The following DYSF variants were observed in gnomAD, a reference collection of about 807,000 sequenced individuals.
The protein encoded by DYSF is dysferlin, also known as dystrophy-associated fer-1-like 1.
Under a neutral mutation model 274.9 loss-of-function variants are expected in DYSF, and 212 were observed. The observed-to-expected ratio is 0.77, with a 90% CI of 0.69 to 0.86. The LOEUF (loss-of-function observed/expected upper bound fraction) is 0.86, where lower values mean the gene tolerates loss of function less well. Ranked by LOEUF, DYSF falls within the 40% of genes least tolerant of loss-of-function variation. The pLI is 0.00. For synonymous variants in DYSF, 1,091 were observed against 1,078.7 expected, an observed-to-expected ratio of 1.01 and a Z score of -0.22; for missense variants, 2,666 against 2,783.2, an observed-to-expected ratio of 0.96 and a Z score of 0.95.
chr2:71,504,375 TC>T (rs1295870767), intron 4 of DYSF, among the ~76,000 whole-genome samples: 1 of 152,078 alleles, frequency 6.6e-6, no homozygotes, highest in Non-Finnish European at 1.5e-5. Flanking sequence ...AGATGTCACT[TC>T]CCAGGAAAGT....
rs749610930 is a variant in DYSF, at chr2:71,574,313, G to A, written c.3344G>A (p.Arg1115His). 2.0e-5 allele frequency: 33 copies of A among 1,613,976 alleles called. No homozygotes were observed. The highest frequency in any genetic ancestry group is 6.7e-5 in the Admixed American group (4 of 60,006). Residue 1115 changes from arginine (R) to histidine (H), a missense_variant, in exon 30 of 56, where the codon CGC becomes CAC. Transcript: ENST00000410020. ...TTCCGCCGCCGCCGCTGGCGCCGTC[G>A]CATGGAGCCACTGGAGAAGACGGGG... ...DAFRRRRWRR[R>H]MEPLEKTGPA...
Position 71,570,268 on chromosome 2 carries a change from C to T in DYSF, c.3019C>T (p.Pro1007Ser). The part of the protein sequence containing the change: ...KVLPKDDIEC[P>S]LGWKWEDEEW... The stretch of plus-strand genomic sequence containing the variant: ...GCTTCCCAAGGATGACATTGAGTGC[C>T]CACTGGGCTGGAAGTGGGAAGATGA... Residue 1007 changes from proline to serine, a missense_variant, in exon 28 of 56, where the codon CCA (proline) becomes TCA (serine). Transcript: ENST00000410020. 1.2e-6 allele frequency: 2 copies of T among 1,614,112 alleles called. No homozygotes were observed. Among genetic ancestry groups the T allele is most frequent in the Non-Finnish European group, 1.7e-6 (2 of 1,180,018 alleles).
intron 30 of DYSF, among the ~76,000 whole-genome samples, chr2:71,585,507 C>T (rs894552097): frequency 6.6e-6 from 1 of 152,142 alleles, no homozygotes; most frequent in African/African-American, 2.4e-5. Flanking sequence ...TTTCAAGAGG[C>T]CTTGTTACTT....
intron 1 of DYSF, among the ~76,000 whole-genome samples, chr2:71,468,520 C>T (rs546832313): frequency 4.2e-4 from 64 of 152,264 alleles, no homozygotes; most frequent in Non-Finnish European, 7.3e-4. Context: ...CGCCCAAGTA[C>T]CCCGAACACG....
chr2:71,579,988 C>G (rs2092832008), intron 30 of DYSF, among the ~76,000 whole-genome samples: 1 of 152,218 alleles, frequency 6.6e-6, no homozygotes, highest in Admixed American at 6.5e-5. Flanking sequence ...AACCAAGGTC[C>G]AGGCAGTGGC....
Position 71,539,162 on chromosome 2 carries a change from G to T in DYSF, c.1499G>T (p.Arg500Leu). ...TCTCTGCTCCCTTGCTCTAGGGACCGCCTGACTCACAATGACATCGTGGCT... is the reference window on the plus strand; with the variant it reads ...TCTCTGCTCCCTTGCTCTAGGGACCTCCTGACTCACAATGACATCGTGGCT... ...KMRIRIIDWD[R>L]LTHNDIVATT... Residue 500 changes from arginine (R) to leucine (L), a missense_variant, in exon 17 of 56, where the codon CGC (arginine) becomes CTC (leucine). By Grantham distance (102) the Arg-to-Leu change is moderately radical (BLOSUM62 -2). Coordinates refer to ENST00000410020, the MANE Select transcript of DYSF (RefSeq NM_001130987.2). The T allele has an allele frequency of 1.2e-6, 2 of 1,613,896 alleles. No individual in the cohort carries two copies. Among genetic ancestry groups the T allele is most frequent in the Middle Eastern group, 1.7e-4 (1 of 6,058 alleles).
chr2:71,678,566 G>T (rs1223535916), intron 52 of DYSF, among the ~76,000 whole-genome samples: 1 of 152,202 alleles, frequency 6.6e-6, no homozygotes, highest in Non-Finnish European at 1.5e-5. Context: ...AATGGGTGCA[G>T]AGTTTTTGTT....
At chr2:71,471,970 A>C (rs183249267) in intron 1 of DYSF, among the ~76,000 whole-genome samples, 1 of 152,290 alleles carries the variant, frequency 6.6e-6, no homozygotes, top group Non-Finnish European at 1.5e-5. Flanking sequence ...AGTCTCAAAA[A>C]CATCAATTAA....
chr2:71,470,957 A>AATTT (rs551352670), intron 1 of DYSF, among the ~76,000 whole-genome samples: 369 of 151,654 alleles, frequency 2.4e-3, no homozygotes, highest in African/African-American at 8.5e-3. Flanking sequence ...ATGCCTGGCT[A>AATTT]ATTTTTATTT....
At chr2:71,455,429 T>C (rs1235914720) in intron 1 of DYSF, among the ~76,000 whole-genome samples, 1 of 152,198 alleles carries the variant, frequency 6.6e-6, no homozygotes, top group Non-Finnish European at 1.5e-5. Context: ...CTTTTTTTCC[T>C]AACGTGCTGC....
chr2:71,480,910 A>T lies in DYSF; in HGVS notation c.119A>T (p.Lys40Met), dbSNP rs779471597. 1 of 1,614,210 alleles carries T rather than the reference A, an allele frequency of 6.2e-7. No individual in the cohort carries two copies. Among genetic ancestry groups the T allele is most frequent in the Admixed American group, 1.7e-5 (1 of 60,028 alleles). ...GTGAAGAAGAGAACCAAAGTCATCA[A>T]GAACAGCGTGAACCCTGTATGGAAT... ...RGVKKRTKVI[K>M]NSVNPVWNEG... is the part of the protein sequence containing the mutation. The change falls in exon 2 of 56, where the codon AAG becomes ATG. Residue 40 changes from lysine to methionine, a missense_variant. By Grantham distance (95) the Lys-to-Met change is moderately conservative (BLOSUM62 -1). This residue lies in a region of DYSF where 794 missense variants were observed against 777.1 expected (regional missense o/e 1.02). Transcript: ENST00000410020.
At chr2:71,602,649 G>A in intron 35 of DYSF, 127 bp from the exon 36 acceptor site, 1 of 935,998 alleles carries the variant, frequency 1.1e-6, no homozygotes. Context: ...GCTCCTCTTA[G>A]TGGTGGCATC....
intron 55 of DYSF, among the ~76,000 whole-genome samples, chr2:71,683,447 A>G (rs973736103): frequency 1.7e-4 from 26 of 152,304 alleles, no homozygotes; most frequent in South Asian, 8.3e-4. Context: ...TGTCTCTGAT[A>G]CTTTAGACCT....
chr2:71,627,952 C>G (rs979541244), intron 41 of DYSF, among the ~76,000 whole-genome samples: 1 of 152,072 alleles, frequency 6.6e-6, no homozygotes, highest in African/African-American at 2.4e-5. Flanking sequence ...CACCTTGTTA[C>G]TTTCAACTTT....
In DYSF at chr2:71,526,172, C is replaced by A. The variant is rs1014730345; in HGVS notation, c.1150-48C>A. 3 of 1,613,960 alleles carry A rather than the reference C, an allele frequency of 1.9e-6. No homozygotes were observed. In the African/African-American group the frequency reaches 4.0e-5, roughly 22 times the overall value. ...AACTCTTAGAAAAGGAAAGTAAAAC[C>A]CTGTGCTCAGGAGCGCATGAAGGAA... On this transcript the variant is annotated intron_variant, in intron 12 of 55. Coordinates refer to ENST00000410020, the MANE Select transcript of DYSF (RefSeq NM_001130987.2).
At chr2:71,525,601 G>T (rs1239274546) in intron 12 of DYSF, among the ~76,000 whole-genome samples, 1 of 152,166 alleles carries the variant, frequency 6.6e-6, no homozygotes, top group African/African-American at 2.4e-5. Flanking sequence ...AAATGAGAGA[G>T]TGCATACACA....
chr2:71,480,763 A>G, intron 1 of DYSF, 120 bp from the exon 2 acceptor site: 1 of 886,350 alleles, frequency 1.1e-6, no homozygotes, highest in East Asian at 2.6e-5. Context: ...GAATCTGTTG[A>G]TTTTGTAAGA....
chr2:71,685,282 G>C (rs912160543), intron 55 of DYSF, among the ~76,000 whole-genome samples: 3 of 152,206 alleles, frequency 2.0e-5, no homozygotes, highest in African/African-American at 7.2e-5. Flanking sequence ...TCTGGAAGTT[G>C]TCCTCTTTAA....
intron 4 of DYSF, among the ~76,000 whole-genome samples, chr2:71,508,145 T>C (rs1324159902): frequency 1.3e-5 from 2 of 152,230 alleles, no homozygotes; most frequent in Admixed American, 1.3e-4. Context: ...CAAAACCTTT[T>C]ATTTGGAAAT....
Sources: gnomAD v4.1 joint callset for allele counts (sites outside exome capture counted in the v4.1 genomes callset) on GRCh38, gnomAD v4.1.1 for gene constraint, gnomAD v4.1.1 regional missense constraint, MANE v1.5 for transcripts, NCBI Gene and HGNC (gene_info 2026-07-23, HGNC 2026-07-21) for gene names.